ALDH1L2: variants seen among roughly 807,000 people sequenced by gnomAD.
ALDH1L2 encodes the protein mitochondrial 10-formyltetrahydrofolate dehydrogenase.
A neutral mutation model predicts 111.0 loss-of-function variants in ALDH1L2; 91 were observed. The ratio of observed to expected loss-of-function variants is 0.82; its 90% confidence interval spans 0.69 to 0.98. ALDH1L2 has a LOEUF of 0.98. ALDH1L2 is among the 50% of genes least tolerant of loss of function. ALDH1L2 has a pLI of 0.00. For synonymous variants in ALDH1L2, 374 were observed against 392.6 expected, an observed-to-expected ratio of 0.95 and a Z score of 0.56; for missense variants, 995 against 1,126.8, an observed-to-expected ratio of 0.88 and a Z score of 1.67.
intron 4 of ALDH1L2, 91 bp from the exon 5 acceptor site, chr12:105,066,760 C>T (rs1877382830): frequency 3.0e-6 from 3 of 1,005,282 alleles, no homozygotes; most frequent in African/African-American, 1.6e-5. Context: ...AGAATTACTA[C>T]CTATAAACCT....
chr12:105,036,431 T>TAC (rs1473208293), intron 18 of ALDH1L2, among the ~76,000 whole-genome samples: 2 of 24,448 alleles, frequency 8.2e-5, no homozygotes, highest in Admixed American at 3.9e-4. Flanking sequence ...TATATATGTG[T>TAC]ATATATTATA....
Position 105,022,392 on chromosome 12 carries a change from A to C in ALDH1L2, c.*2032T>G, listed in dbSNP as rs934370084. ...TGTTCATAGCTTTTATCAGATTCCC[A>C]AAGAGTTTTGCAGCCCAGAGAATAT... On this transcript the variant is annotated 3_prime_UTR_variant, in exon 23 of 23. Transcript: ENST00000258494. 1.3e-5 allele frequency: 2 copies of C among 152,206 alleles called. No homozygotes were observed. The highest frequency in any genetic ancestry group is 2.9e-5 in the Non-Finnish European group (2 of 68,038). The allele number at this position is 152,206 out of a possible 1,614,324, so 9.4% of individuals were successfully genotyped here.
At chr12:105,080,770 A>G (rs1057496641) in intron 1 of ALDH1L2, among the ~76,000 whole-genome samples, 1 of 152,220 alleles carries the variant, frequency 6.6e-6, no homozygotes, top group Non-Finnish European at 1.5e-5. Context: ...GTGTCATGTC[A>G]GTGCTCAAAA....
intron 5 of ALDH1L2, among the ~76,000 whole-genome samples, chr12:105,065,885 G>A (rs1438622603): frequency 6.6e-6 from 1 of 152,162 alleles, no homozygotes; most frequent in East Asian, 1.9e-4. Context: ...GTCACTGCAG[G>A]GAGGTTGTAT....
chr12:105,062,458 C>G (rs925527851), intron 7 of ALDH1L2, among the ~76,000 whole-genome samples: 1 of 152,216 alleles, frequency 6.6e-6, no homozygotes, highest in Non-Finnish European at 1.5e-5. Context: ...GGCCAACCCT[C>G]CTGAGCATAG....
intron 18 of ALDH1L2, among the ~76,000 whole-genome samples, chr12:105,037,076 A>C (rs1272501541): frequency 6.6e-6 from 1 of 152,174 alleles, no homozygotes; most frequent in Non-Finnish European, 1.5e-5. Context: ...CTTAGTGCAT[A>C]GGCTGGACAG....
chr12:105,046,193 C>CTCTATA (rs1256472590), intron 15 of ALDH1L2, among the ~76,000 whole-genome samples: 28 of 20,166 alleles, frequency 1.4e-3, no homozygotes, highest in Middle Eastern at 0.029. Context: ...CTCTCTCTCT[C>CTCTATA]TATATATATA....
intron 13 of ALDH1L2, among the ~76,000 whole-genome samples, chr12:105,049,047 A>ATT (rs34116328): frequency 0.34 from 50,633 of 151,074 alleles, 8,612 homozygotes; most frequent in South Asian, 0.46. Context: ...AGAAAAAAAA[A>ATT]TTTTTTTTTA....
At chr12:105,059,703 C>T (rs1298148826) in intron 9 of ALDH1L2, among the ~76,000 whole-genome samples, 1 of 152,194 alleles carries the variant, frequency 6.6e-6, no homozygotes, top group African/African-American at 2.4e-5. Flanking sequence ...ACTGTATCCC[C>T]AGTGCTAAAA....
At chr12:105,051,052 C>A (rs1876230103) in intron 12 of ALDH1L2, among the ~76,000 whole-genome samples, 1 of 152,216 alleles carries the variant, frequency 6.6e-6, no homozygotes, top group African/African-American at 2.4e-5. Context: ...TGGCATCCTT[C>A]ATTACTGATT....
chr12:105,061,139 C>T, intron 8 of ALDH1L2, 67 bp from the exon 9 acceptor site: 1 of 1,368,134 alleles, frequency 7.3e-7, no homozygotes, highest in Non-Finnish European at 1.0e-6. Flanking sequence ...ACTGGGCTAG[C>T]TCTTCACCAA....
At chr12:105,074,383 G>A (rs1430440841) in intron 1 of ALDH1L2, among the ~76,000 whole-genome samples, 2 of 144,868 alleles carry the variant, frequency 1.4e-5, no homozygotes, top group Non-Finnish European at 3.0e-5. Flanking sequence ...TCTTGAACCC[G>A]GGAGGCAGAG....
In ALDH1L2 at chr12:105,058,148, C is replaced by T. The variant is rs768349358; in HGVS notation, c.1212G>A (p.Lys404=). The T allele has an allele frequency of 2.5e-6, 4 of 1,613,772 alleles. No individual in the cohort carries two copies. The Admixed American group carries it at 6.7e-5, about 27-fold the overall frequency. ...LQNEDVYMAT[K]FEGFIQKVVR... The stretch of plus-strand genomic sequence containing the variant: ...CGACCTTTTGGATAAAGCCTTCAAA[C>T]TTGGTGGCCATATAGACATCTTCAT... The change falls in exon 10 of 23, where the codon AAG becomes AAA. Residue 404 remains lysine, a synonymous_variant. Transcript: ENST00000258494.
chr12:105,047,054 T>A (rs779072031), intron 13 of ALDH1L2, 85 bp from the exon 14 acceptor site: 25 of 1,462,626 alleles, frequency 1.7e-5, no homozygotes, highest in Non-Finnish European at 2.1e-5. Context: ...TGTCTTCCTC[T>A]CTTACTTTTT....
chr12:105,039,569 A>G, intron 17 of ALDH1L2, 144 bp downstream of exon 17: 1 of 606,118 alleles, frequency 1.6e-6, no homozygotes, highest in Non-Finnish European at 2.9e-6. Flanking sequence ...ATTGTATTCA[A>G]ATATTTCAAT....
Position 105,060,974 on chromosome 12 carries a change from G to A in ALDH1L2, c.1139+7C>T. 6.2e-7 allele frequency: 1 copy of A among 1,613,192 alleles called. No homozygotes were observed. The highest frequency in any genetic ancestry group is 1.1e-5 in the South Asian group (1 of 91,070). On this transcript the variant is annotated splice_region_variant and intron_variant, in intron 9 of 22. Coordinates refer to ENST00000258494, the MANE Select transcript of ALDH1L2 (RefSeq NM_001034173.4). ...TCCCTAGTGAGTCAATAAGGGCGTG[G>A]TTTTACCTGGCAACATCCATTGAGC...
At position 105,032,083 on chromosome 12, in the gene ALDH1L2, T is replaced by C. The variant is rs1274223380; in HGVS notation, c.2245-149A>G. On this transcript the variant is annotated intron_variant, in intron 19 of 22. Transcript: ENST00000258494. ...CGGAGGTAGGTGGTTGGTTTTTTTT[T>C]TTTTTTCCTTTTTGGAGACAGGGTC... 3 of 790,578 alleles carry C rather than the reference T, an allele frequency of 3.8e-6. No homozygotes were observed. In the Admixed American group the frequency reaches 9.7e-5, roughly 26 times the overall value. The allele number at this position is 790,578 out of a possible 1,614,324, so 49.0% of individuals were successfully genotyped here.
At chr12:105,077,250 ATAATC>A (rs1471284028) in intron 1 of ALDH1L2, among the ~76,000 whole-genome samples, 1 of 151,868 alleles carries the variant, frequency 6.6e-6, no homozygotes, top group Non-Finnish European at 1.5e-5. Flanking sequence ...GATAAGTTCT[ATAATC>A]TAATCTTGTT....
chr12:105,024,205 A>G lies in ALDH1L2; in HGVS notation c.*219T>C, dbSNP rs1874297891. On this transcript the variant is annotated 3_prime_UTR_variant, in exon 23 of 23. Coordinates refer to ENST00000258494, the MANE Select transcript of ALDH1L2 (RefSeq NM_001034173.4). The stretch of plus-strand genomic sequence containing the variant: ...TTTAGAAATACGTATGATATACAAC[A>G]TAGTCAAAATGCAACAACTCCAAAT... The G allele has an allele frequency of 1.2e-5, 7 of 599,148 alleles. No homozygotes were observed. In the East Asian group the frequency reaches 1.9e-4, roughly 17 times the overall value. The allele number at this position is 599,148 out of a possible 1,614,324, so 37.1% of individuals were successfully genotyped here.
Sources: allele counts gnomAD v4.1 joint callset (sites outside exome capture counted in the v4.1 genomes callset), GRCh38; gene constraint gnomAD v4.1.1; transcripts MANE v1.5; gene names NCBI Gene and HGNC (gene_info 2026-07-23, HGNC 2026-07-21).